Variants in PDGFD observed in about 807,000 individuals in gnomAD.
The protein encoded by PDGFD is platelet derived growth factor D.
In PDGFD, 30 loss-of-function variants were observed where a neutral mutation model predicts 44.7. That is an observed-to-expected ratio of 0.67 (90% CI 0.50 to 0.91). The LOEUF (loss-of-function observed/expected upper bound fraction) is 0.91. Among genes scored for constraint, PDGFD ranks in the 40% least tolerant of loss-of-function variants. The probability of loss-of-function intolerance (pLI) is 0.00; values close to 1 mark genes in which losing one functional copy is unlikely to be tolerated. For synonymous variants in PDGFD, 173 were observed against 168.4 expected (o/e 1.03, Z -0.21); for missense variants, 445 against 457.8 (o/e 0.97, Z 0.25).
intron 3 of PDGFD, among the ~76,000 whole-genome samples, chr11:103,992,600 C>T (rs978545233): frequency 6.6e-6 from 1 of 152,194 alleles, no homozygotes; most frequent in African/African-American, 2.4e-5. Flanking sequence ...AGGCACTGGT[C>T]CCATATGGCT....
intron 1 of PDGFD, among the ~76,000 whole-genome samples, chr11:104,120,754 G>A (rs1222258672): frequency 1.3e-5 from 2 of 151,778 alleles, no homozygotes; most frequent in Non-Finnish European, 2.9e-5. Flanking sequence ...AACTCCTTAG[G>A]TTTTTCCCAC....
intron 1 of PDGFD, among the ~76,000 whole-genome samples, chr11:104,020,668 C>T (rs375207136): frequency 6.6e-6 from 1 of 152,026 alleles, no homozygotes; most frequent in South Asian, 2.1e-4. Context: ...ACATTTTATA[C>T]TTCATTTTTC....
At chr11:103,992,061 T>A (rs1369460703) in intron 3 of PDGFD, among the ~76,000 whole-genome samples, 1 of 152,236 alleles carries the variant, frequency 6.6e-6, no homozygotes, top group Non-Finnish European at 1.5e-5. Flanking sequence ...CAGGAGATCC[T>A]AATTTATTTA....
At chr11:103,924,769 T>G (rs1858278481) in intron 6 of PDGFD, among the ~76,000 whole-genome samples, 1 of 152,148 alleles carries the variant, frequency 6.6e-6, no homozygotes, top group Non-Finnish European at 1.5e-5. Flanking sequence ...AGCTGGAGAT[T>G]TTGTTTAGAG....
At chr11:104,146,997 C>T (rs920620205) in intron 1 of PDGFD, among the ~76,000 whole-genome samples, 1 of 134,790 alleles carries the variant, frequency 7.4e-6, no homozygotes, top group African/African-American at 2.8e-5. Context: ...GGCACCGGGG[C>T]ATACTAAAAA....
At chr11:104,090,740 C>T (rs1283047808) in intron 1 of PDGFD, among the ~76,000 whole-genome samples, 1 of 7,734 alleles carries the variant, frequency 1.3e-4, no homozygotes, top group Non-Finnish European at 2.3e-4. Flanking sequence ...AAACATTTTA[C>T]TGCAATAGAG....
intron 1 of PDGFD, among the ~76,000 whole-genome samples, chr11:104,087,392 A>G (rs886705269): frequency 1.3e-5 from 2 of 151,896 alleles, no homozygotes; most frequent in African/African-American, 4.8e-5. Context: ...TAGTTTTAGT[A>G]GAGACAGGGC....
chr11:104,061,463 T>G (rs1298296593), intron 1 of PDGFD, among the ~76,000 whole-genome samples: 1 of 152,180 alleles, frequency 6.6e-6, no homozygotes, highest in Non-Finnish European at 1.5e-5. Flanking sequence ...CAAAAAAGAC[T>G]TAACAGATGC....
chr11:104,133,579 T>C (rs1323309671), intron 1 of PDGFD, among the ~76,000 whole-genome samples: 1 of 152,146 alleles, frequency 6.6e-6, no homozygotes, highest in Non-Finnish European at 1.5e-5. Context: ...ATGCTCTAGT[T>C]CTCTGCAAAT....
chr11:103,989,814 A>G (rs1055919669), intron 3 of PDGFD, among the ~76,000 whole-genome samples: 11 of 152,152 alleles, frequency 7.2e-5, no homozygotes, highest in Non-Finnish European at 1.0e-4. Flanking sequence ...GCATTTTTGA[A>G]CAGACTTTTT....
At chr11:104,136,622 A>C (rs1862008706) in intron 1 of PDGFD, among the ~76,000 whole-genome samples, 1 of 152,224 alleles carries the variant, frequency 6.6e-6, no homozygotes, top group Non-Finnish European at 1.5e-5. Flanking sequence ...TGGAAAAATA[A>C]ACATTTTATA....
chr11:103,920,713 A>G (rs1858201699), intron 6 of PDGFD, among the ~76,000 whole-genome samples: 1 of 152,260 alleles, frequency 6.6e-6, no homozygotes, highest in Non-Finnish European at 1.5e-5. Flanking sequence ...TATAGTCTTC[A>G]GATGCCTTCA....
Position 104,101,283 on chromosome 11 carries a change from T to A in PDGFD, c.124+62521A>T, listed in dbSNP as rs180803005. 4.6e-3 allele frequency among the ~76,000 whole-genome samples: 703 copies of A among 152,018 alleles called. 10 individuals carry two copies. The highest frequency in any genetic ancestry group is 0.016 in the African/African-American group (643 of 41,454). On this transcript the variant is annotated intron_variant, in intron 1 of 6. Coordinates refer to ENST00000393158, the MANE Select transcript of PDGFD (RefSeq NM_025208.5). ...AGGATGCAAAATCAATGTGCAAAAATCACAAGCATTTTTACACACCAATAA... is the reference window on the plus strand; with the variant it reads ...AGGATGCAAAATCAATGTGCAAAAAACACAAGCATTTTTACACACCAATAA...
At chr11:104,128,037 C>A (rs915028518) in intron 1 of PDGFD, among the ~76,000 whole-genome samples, 2 of 151,918 alleles carry the variant, frequency 1.3e-5, no homozygotes, top group African/African-American at 2.4e-5. Flanking sequence ...GGAACTAATC[C>A]AGAAGAATTA....
intron 3 of PDGFD, among the ~76,000 whole-genome samples, chr11:103,963,650 A>T (rs946010954): frequency 6.6e-6 from 1 of 152,198 alleles, no homozygotes; most frequent in African/African-American, 2.4e-5. Context: ...GGGAACAGGC[A>T]TATATAACAG....
chr11:104,081,553 AC>A (rs1454695604), intron 1 of PDGFD, among the ~76,000 whole-genome samples: 1 of 152,190 alleles, frequency 6.6e-6, no homozygotes, highest in East Asian at 1.9e-4. Context: ...TCTATGATCA[AC>A]TGTCTTCATC....
chr11:104,109,550 G>C (rs1313324420), intron 1 of PDGFD, among the ~76,000 whole-genome samples: 1 of 151,906 alleles, frequency 6.6e-6, no homozygotes, highest in Non-Finnish European at 1.5e-5. Flanking sequence ...TTACTTCTAG[G>C]TGTATCTGTT....
At chr11:104,093,037 C>T (rs1861232739) in intron 1 of PDGFD, among the ~76,000 whole-genome samples, 1 of 152,278 alleles carries the variant, frequency 6.6e-6, no homozygotes, top group South Asian at 2.1e-4. Context: ...TCTTTTCCCA[C>T]TCGCTGAGTG....
At chr11:103,951,318 TA>T (rs1256093696) in intron 3 of PDGFD, among the ~76,000 whole-genome samples, 1 of 152,212 alleles carries the variant, frequency 6.6e-6, no homozygotes, top group East Asian at 1.9e-4. Flanking sequence ...ATTCACCTGC[TA>T]AATCCACAAT....
Sources: allele counts gnomAD v4.1 joint callset (sites outside exome capture counted in the v4.1 genomes callset), GRCh38; gene constraint gnomAD v4.1.1; transcripts MANE v1.5; gene names NCBI Gene and HGNC (gene_info 2026-07-23, HGNC 2026-07-21).